TUBGCP3: variants seen among roughly 807,000 people sequenced by gnomAD.
TUBGCP3 encodes tubulin gamma complex component 3.
In TUBGCP3, 50 loss-of-function variants were observed where a neutral mutation model predicts 123.1. That is an observed-to-expected ratio of 0.41 (90% CI 0.32 to 0.51). TUBGCP3 has a LOEUF of 0.51. TUBGCP3 is among the 20% of genes least tolerant of loss of function. TUBGCP3 has a pLI of 0.36. For missense variants in TUBGCP3, 882 were observed against 1,127.0 expected (o/e 0.78, Z 3.11); for synonymous variants, 405 against 413.9 (o/e 0.98, Z 0.26).
At chr13:112,579,595 G>A (rs975767736) in intron 1 of TUBGCP3, among the ~76,000 whole-genome samples, 12 of 150,718 alleles carry the variant, frequency 8.0e-5, no homozygotes, top group East Asian at 1.9e-4. Flanking sequence ...CCACACTGCT[G>A]TGTGCGGGTG....
chr13:112,599,241 A>G, the TUBGCP3 span, among the ~76,000 whole-genome samples: 2 of 152,100 alleles, frequency 1.3e-5, no homozygotes, highest in Non-Finnish European at 1.5e-5. Context: ...AAGTTATTCT[A>G]TGAGGTTATT....
chr13:112,583,701 T>G (rs1227234812), intron 1 of TUBGCP3, among the ~76,000 whole-genome samples: 1 of 152,230 alleles, frequency 6.6e-6, no homozygotes, highest in African/African-American at 2.4e-5. Flanking sequence ...GCGGAAAAGT[T>G]GAACTGTTTG....
At chr13:112,591,773 C>T (rs1207898596), upstream of TUBGCP3, among the ~76,000 whole-genome samples, 1 of 152,206 alleles carries the variant, frequency 6.6e-6, no homozygotes, top group African/African-American at 2.4e-5. Context: ...GAAGAGCTTT[C>T]CAGTAAAAGT....
At chr13:112,499,517 T>G (rs1880758434) in intron 19 of TUBGCP3, among the ~76,000 whole-genome samples, 1 of 152,042 alleles carries the variant, frequency 6.6e-6, no homozygotes, top group African/African-American at 2.4e-5. Context: ...CTGCCCAAAT[T>G]TCAAAGCTAG....
At chr13:112,586,863 T>C (rs1217312680) in intron 1 of TUBGCP3, among the ~76,000 whole-genome samples, 1 of 152,110 alleles carries the variant, frequency 6.6e-6, no homozygotes, top group African/African-American at 2.4e-5. Context: ...AATCAAACTT[T>C]ACAAGATGCA....
chr13:112,492,870 G>C (rs1880207168), intron 20 of TUBGCP3, among the ~76,000 whole-genome samples: 1 of 148,394 alleles, frequency 6.7e-6, no homozygotes, highest in Non-Finnish European at 1.5e-5. Flanking sequence ...TTTGGGAACA[G>C]GCCTGGTGTC....
rs559561450 is a variant in TUBGCP3 at position 112,573,616 on chromosome 13, C to T, written c.77-4357G>A. On this transcript the variant is annotated intron_variant, in intron 1 of 21. Transcript: ENST00000261965. ...CAAGGGATCTGGGAGAAGAATGTTCCCCACTACAATCTCAGCAGCAAAAGA... is the reference window on the plus strand; with the variant it reads ...CAAGGGATCTGGGAGAAGAATGTTCTCCACTACAATCTCAGCAGCAAAAGA... 7.9e-4 allele frequency among the ~76,000 whole-genome samples: 121 copies of T among 152,272 alleles called. No homozygotes were observed. In the Middle Eastern group the frequency reaches 0.014, roughly 17 times the overall value.
intron 1 of TUBGCP3, among the ~76,000 whole-genome samples, 191 bp downstream of exon 1, chr13:112,587,714 C>A (rs1882717592): frequency 1.3e-5 from 2 of 152,264 alleles, no homozygotes; most frequent in South Asian, 2.1e-4. Context: ...CCGCTGTCCT[C>A]CCCGGCTCCC....
chr13:112,543,902 A>G (rs1330724105), intron 11 of TUBGCP3, among the ~76,000 whole-genome samples: 1 of 152,368 alleles, frequency 6.6e-6, no homozygotes, highest in East Asian at 1.9e-4. Flanking sequence ...GGAAACTAAC[A>G]GGTAATCAGA....
At chr13:112,594,280 A>T in the TUBGCP3 span, among the ~76,000 whole-genome samples, 1 of 152,228 alleles carries the variant, frequency 6.6e-6, no homozygotes, top group African/African-American at 2.4e-5. Context: ...CAGCAACATG[A>T]CCAAGTGGGG....
In TUBGCP3 at chr13:112,554,087, G is replaced by C. The variant is rs752908491; in HGVS notation, c.936C>G (p.Ser312Arg). The change falls in exon 8 of 22, where the codon AGC (serine) becomes AGG (arginine). Residue 312 changes from serine to arginine, a missense_variant. Around this residue, in one of 3 missense-constraint regions of TUBGCP3, gnomAD observed 713 missense variants for 874.0 expected, o/e 0.82. Transcript: ENST00000261965. ...CGACGAGTCCGAATGAGCGGTCCAG[G>C]CTCCTCTGGTCCGTGTATCTTCTGA... ...NKIRRYTDQR[S>R]LDRSFGLVGQ... The C allele has an allele frequency of 1.2e-6, 2 of 1,614,090 alleles. No individual in the cohort carries two copies. The highest frequency in any genetic ancestry group is 2.2e-5 in the South Asian group (2 of 91,062).
At chr13:112,564,553 C>T (rs1880797912) in intron 3 of TUBGCP3, among the ~76,000 whole-genome samples, 1 of 152,162 alleles carries the variant, frequency 6.6e-6, no homozygotes, top group African/African-American at 2.4e-5. Context: ...TGGTGGCATG[C>T]ACCTGTAGTC....
At chr13:112,528,959 C>A (rs1877349076) in intron 11 of TUBGCP3, among the ~76,000 whole-genome samples, 1 of 152,172 alleles carries the variant, frequency 6.6e-6, no homozygotes, top group Non-Finnish European at 1.5e-5. Context: ...TCAAGCCATC[C>A]TCCCACCTCA....
rs985283789 is a variant in TUBGCP3, at chr13:112,555,986, A to C, written c.721+66T>G. 20 of 1,536,412 alleles carry C rather than the reference A, an allele frequency of 1.3e-5. No individual in the cohort carries two copies. In the African/African-American group the frequency reaches 2.7e-4, roughly 21 times the overall value. On this transcript the variant is annotated intron_variant, in intron 6 of 21. Coordinates refer to ENST00000261965, the MANE Select transcript of TUBGCP3 (RefSeq NM_006322.6). ...AGGTGGGGCTCCTGGGCTGTACTTT[A>C]AAATAAGGAGAGGCTGAATTCCAAG...
chr13:112,504,051 A>T lies in TUBGCP3; in HGVS notation c.2288T>A (p.Leu763Gln). The change falls in exon 19 of 22, where the codon CTG becomes CAG. Residue 763 changes from leucine (L) to glutamine (Q), a missense_variant. Coordinates refer to ENST00000261965, the MANE Select transcript of TUBGCP3 (RefSeq NM_006322.6). ...TCTTACCCTGGAGTCACTGTCCAGC[A>T]GGCAGCGGGAGATGATGGTGTCTAA... The part of the protein sequence containing the change: ...VFLDTIISRC[L>Q]LDSDSRALLN... 6.2e-7 allele frequency: 1 copy of T among 1,613,822 alleles called. No homozygotes were observed. Among genetic ancestry groups the T allele is most frequent in the Non-Finnish European group, 8.5e-7 (1 of 1,179,808 alleles).
At chr13:112,551,605 G>A (rs1426715831) in intron 8 of TUBGCP3, among the ~76,000 whole-genome samples, 1 of 152,172 alleles carries the variant, frequency 6.6e-6, no homozygotes, top group African/African-American at 2.4e-5. Context: ...CTTTGGAACA[G>A]AGTGACACGT....
intron 5 of TUBGCP3, among the ~76,000 whole-genome samples, chr13:112,556,884 G>A (rs1403588434): frequency 1.3e-5 from 2 of 152,154 alleles, no homozygotes; most frequent in African/African-American, 4.8e-5. Context: ...CGTCAGTTTT[G>A]ACAGGTGCAA....
At chr13:112,576,005 A>C (rs1397944842) in intron 1 of TUBGCP3, among the ~76,000 whole-genome samples, 1 of 152,230 alleles carries the variant, frequency 6.6e-6, no homozygotes, top group East Asian at 1.9e-4. Context: ...TAAACGAACT[A>C]ATTTGTAATA....
intron 1 of TUBGCP3, among the ~76,000 whole-genome samples, chr13:112,578,730 CT>C (rs1882051797): frequency 6.6e-6 from 1 of 152,070 alleles, no homozygotes; most frequent in Admixed American, 6.5e-5. Context: ...ATAGTCTGGG[CT>C]TCCAGAGCTC....
Sources: allele counts gnomAD v4.1 joint callset (sites outside exome capture counted in the v4.1 genomes callset), GRCh38; gene constraint gnomAD v4.1.1; regional missense constraint gnomAD v4.1.1; transcripts MANE v1.5; gene names NCBI Gene and HGNC (gene_info 2026-07-23, HGNC 2026-07-21).